Variants in GRIP1 observed in about 807,000 individuals in gnomAD.
GRIP1 encodes the protein glutamate receptor interacting protein 1.
A neutral mutation model predicts 129.9 loss-of-function variants in GRIP1; 45 were observed. The observed-to-expected ratio is 0.35, with a 90% CI of 0.27 to 0.44. The LOEUF (loss-of-function observed/expected upper bound fraction) is 0.44, where lower values mean the gene tolerates loss of function less well. Ranked by LOEUF, GRIP1 falls within the 20% of genes least tolerant of loss-of-function variation. The probability of loss-of-function intolerance (pLI) is 1.00; values close to 1 mark genes in which losing one functional copy is unlikely to be tolerated. For synonymous variants in GRIP1, 530 were observed against 520.8 expected (o/e 1.02, Z -0.24); for missense variants, 1,196 against 1,396.8 (o/e 0.86, Z 2.29).
At chr12:66,408,204 C>T (rs775502069) in intron 15 of GRIP1, among the ~76,000 whole-genome samples, 3 of 152,106 alleles carry the variant, frequency 2.0e-5, no homozygotes, top group East Asian at 3.9e-4. Context: ...CATGGCTGGG[C>T]GCGGTGGCTC....
chr12:67,010,475 C>T (rs1350711870), intron 1 of GRIP1, among the ~76,000 whole-genome samples: 19 of 152,096 alleles, frequency 1.2e-4, no homozygotes, highest in Admixed American at 1.2e-3. Flanking sequence ...CTTTCTATTA[C>T]GTACAACTAT....
At chr12:66,494,820 G>A (rs2060192837) in intron 7 of GRIP1, among the ~76,000 whole-genome samples, 1 of 152,158 alleles carries the variant, frequency 6.6e-6, no homozygotes, top group Admixed American at 6.5e-5. Flanking sequence ...GTTTGAGGCT[G>A]CAATGAGCTA....
chr12:66,393,230 G>A (rs1438741062), intron 17 of GRIP1, among the ~76,000 whole-genome samples: 1 of 136,404 alleles, frequency 7.3e-6, no homozygotes, highest in African/African-American at 2.8e-5. Flanking sequence ...CCAGGCTGGA[G>A]TCCAGTGGCA....
chr12:66,410,236 C>A (rs1220951850), intron 15 of GRIP1, among the ~76,000 whole-genome samples: 1 of 82,986 alleles, frequency 1.2e-5, no homozygotes, highest in Non-Finnish European at 2.2e-5. Context: ...GGCGACAGAG[C>A]GAGACTCCGT....
chr12:66,784,363 A>G (rs547977232), intron 1 of GRIP1, among the ~76,000 whole-genome samples: 17 of 152,198 alleles, frequency 1.1e-4, no homozygotes, highest in African/African-American at 4.1e-4. Flanking sequence ...CACTGTACTA[A>G]CCTCTTCACA....
At chr12:66,878,128 C>T (rs984498449) in intron 1 of GRIP1, among the ~76,000 whole-genome samples, 10 of 152,010 alleles carry the variant, frequency 6.6e-5, no homozygotes, top group Non-Finnish European at 1.5e-4. Context: ...CAAAGACAGA[C>T]TGAGCACCCA....
intron 2 of GRIP1, 51 bp from the exon 3 acceptor site, chr12:66,542,001 T>G: frequency 6.5e-7 from 1 of 1,541,462 alleles, no homozygotes; most frequent in Non-Finnish European, 9.0e-7. Context: ...GAATCACCAA[T>G]GTCATTTCTC....
intron 15 of GRIP1, 70 bp from the exon 16 acceptor site, chr12:66,406,498 AG>A: frequency 7.4e-7 from 1 of 1,357,126 alleles, no homozygotes. Flanking sequence ...AGAGGCATTA[AG>A]CATAATGCAG....
chr12:66,695,268 A>G (rs960196848), intron 1 of GRIP1, among the ~76,000 whole-genome samples: 2 of 132,484 alleles, frequency 1.5e-5, no homozygotes, highest in Non-Finnish European at 3.2e-5. Flanking sequence ...CATGCAATCT[A>G]ACCTGTTTTT....
intron 1 of GRIP1, among the ~76,000 whole-genome samples, chr12:67,067,150 A>T (rs1048926930): frequency 3.3e-5 from 5 of 152,004 alleles, no homozygotes; most frequent in African/African-American, 1.2e-4. Flanking sequence ...CTATTGGGGG[A>T]GATAAGGCAG....
intron 1 of GRIP1, among the ~76,000 whole-genome samples, chr12:66,878,934 G>A (rs1172494282): frequency 1.3e-5 from 2 of 151,966 alleles, no homozygotes; most frequent in African/African-American, 2.4e-5. Context: ...GGAACAGATG[G>A]TGAACGACTT....
At chr12:66,788,784 G>C (rs1018091704) in intron 1 of GRIP1, among the ~76,000 whole-genome samples, 1 of 152,040 alleles carries the variant, frequency 6.6e-6, no homozygotes, top group Non-Finnish European at 1.5e-5. Flanking sequence ...CATTCCAGCC[G>C]AGAGATGATT....
rs147590516 is a variant in GRIP1 at position 66,972,540 on chromosome 12, T to G, written c.58+96510A>C. ...GTGGAAAGCTGAATTTTTTATTTTA[T>G]TTAATTTTCATTTAAATAGTCACAT... On this transcript the variant is annotated intron_variant, in intron 1 of 1. Transcript: ENST00000643019. Among the ~76,000 whole-genome samples, 540 of 152,344 alleles carry G rather than the reference T, an allele frequency of 3.5e-3. 1 individual carries two copies. Among genetic ancestry groups the G allele is most frequent in the Non-Finnish European group, 4.7e-3 (322 of 68,040 alleles).
chr12:66,675,707 G>T (rs905465955), intron 1 of GRIP1, among the ~76,000 whole-genome samples: 3 of 152,100 alleles, frequency 2.0e-5, no homozygotes, highest in Non-Finnish European at 4.4e-5. Context: ...TCTAAGGTTG[G>T]GTAATTGGTA....
chr12:66,539,648 A>G (rs992207637), intron 3 of GRIP1, among the ~76,000 whole-genome samples: 1 of 138,246 alleles, frequency 7.2e-6, no homozygotes, highest in Admixed American at 7.9e-5. Context: ...TTTATTCTCA[A>G]TCCCTCTTGT....
chr12:67,000,261 T>C (rs2042532524), intron 1 of GRIP1, among the ~76,000 whole-genome samples: 1 of 152,150 alleles, frequency 6.6e-6, no homozygotes, highest in Admixed American at 6.6e-5. Flanking sequence ...AATAGGGCCA[T>C]ATCACATAAT....
At chr12:66,379,476 TA>T in intron 19 of GRIP1, 40 bp from the exon 20 acceptor site, 1 of 1,598,148 alleles carries the variant, frequency 6.3e-7, no homozygotes, top group Non-Finnish European at 8.6e-7. Context: ...GCCCAAGGAT[TA>T]CTTAATCCAT....
chr12:66,648,367 T>C (rs1247868899), intron 1 of GRIP1, among the ~76,000 whole-genome samples: 1 of 152,256 alleles, frequency 6.6e-6, no homozygotes, highest in Non-Finnish European at 1.5e-5. Flanking sequence ...GTATCATGAT[T>C]TGACCAAATG....
chr12:66,779,297 G>A (rs2038083774), intron 1 of GRIP1, among the ~76,000 whole-genome samples: 1 of 152,078 alleles, frequency 6.6e-6, no homozygotes, highest in South Asian at 2.1e-4. Flanking sequence ...AAAATCATGT[G>A]TAATGTAGTG....
Sources: gnomAD v4.1 joint callset for allele counts (sites outside exome capture counted in the v4.1 genomes callset) on GRCh38, gnomAD v4.1.1 for gene constraint, MANE v1.5 for transcripts, NCBI Gene and HGNC (gene_info 2026-07-23, HGNC 2026-07-21) for gene names.